The following RIPK2 variants were observed in gnomAD, a reference collection of about 807,000 sequenced individuals.
RIPK2 encodes receptor-interacting serine/threonine-protein kinase 2.
Under a neutral mutation model 60.9 loss-of-function variants are expected in RIPK2, and 38 were observed. That is an observed-to-expected ratio of 0.62 (90% CI 0.48 to 0.82). The LOEUF (loss-of-function observed/expected upper bound fraction) is 0.82. Among genes scored for constraint, RIPK2 ranks in the 40% least tolerant of loss-of-function variants. The pLI, the probability that RIPK2 is intolerant of heterozygous loss-of-function variation, is 0.00. For synonymous variants in RIPK2, 225 were observed against 223.4 expected (o/e 1.01, Z -0.06); for missense variants, 518 against 647.0 (o/e 0.80, Z 2.16).
intron 1 of RIPK2, among the ~76,000 whole-genome samples, chr8:89,760,361 T>C (rs1809124703): frequency 6.6e-6 from 1 of 152,184 alleles, no homozygotes; most frequent in Non-Finnish European, 1.5e-5. Context: ...ATGAGTCCAA[T>C]TGGTTGTTCA....
chr8:89,788,826 G>T (rs1809628584), intron 9 of RIPK2, among the ~76,000 whole-genome samples: 1 of 151,894 alleles, frequency 6.6e-6, no homozygotes, highest in Admixed American at 6.6e-5. Flanking sequence ...GAGGGAGGCA[G>T]GGAGGGAGGA....
intron 6 of RIPK2, among the ~76,000 whole-genome samples, chr8:89,776,496 A>T (rs1281618187): frequency 6.6e-6 from 1 of 152,254 alleles, no homozygotes; most frequent in East Asian, 1.9e-4. Context: ...ACATTCCATT[A>T]TCTGTTGAAG....
intron 7 of RIPK2, among the ~76,000 whole-genome samples, chr8:89,781,874 C>G (rs936452280): frequency 6.6e-6 from 1 of 152,156 alleles, no homozygotes; most frequent in Non-Finnish European, 1.5e-5. Context: ...TAGAACAATT[C>G]TAACAATATT....
chr8:89,786,063 C>A (rs1488298075), intron 8 of RIPK2, among the ~76,000 whole-genome samples: 2 of 152,152 alleles, frequency 1.3e-5, no homozygotes, highest in Non-Finnish European at 2.9e-5. Flanking sequence ...ATAATTATTT[C>A]TAATGTTTCA....
chr8:89,779,318 T>TG (rs1404580933), intron 6 of RIPK2, among the ~76,000 whole-genome samples: 11 of 128,126 alleles, frequency 8.6e-5, no homozygotes, highest in Admixed American at 7.7e-4. Flanking sequence ...GGGTTTTTTT[T>TG]TTTTTTTTTT....
intron 9 of RIPK2, among the ~76,000 whole-genome samples, chr8:89,787,750 A>G (rs1181380111): frequency 2.0e-5 from 3 of 152,150 alleles, no homozygotes; most frequent in African/African-American, 4.8e-5. Flanking sequence ...AGTGACATAA[A>G]ATTTTTTACT....
At chr8:89,762,495 A>G (rs13262484) in intron 1 of RIPK2, among the ~76,000 whole-genome samples, 12,345 of 152,262 alleles carry the variant, frequency 0.081, 538 homozygotes, top group Middle Eastern at 0.095. Context: ...AATTAGTTCA[A>G]GCACCAATTG....
intron 1 of RIPK2, among the ~76,000 whole-genome samples, chr8:89,760,064 T>C (rs1809120016): frequency 6.6e-6 from 1 of 152,220 alleles, no homozygotes; most frequent in Non-Finnish European, 1.5e-5. Context: ...AATTTGTTAC[T>C]TAAGATCTTA....
rs777039037 is a variant in RIPK2 at position 89,789,433 on chromosome 8, T to C, written c.1236T>C (p.Thr412=). Residue 412 remains threonine (T), a synonymous_variant, in exon 10 of 11, where the codon ACT becomes ACC. Coordinates refer to ENST00000220751, the MANE Select transcript of RIPK2 (RefSeq NM_003821.6). ...CTGCATTCTGTGATCACAAGACCAC[T>C]CCATGCTCTTCAGCAATAATAAATC... ...QRAAFCDHKT[T]PCSSAIINPL... The C allele has an allele frequency of 1.2e-6, 2 of 1,614,042 alleles. No homozygotes were observed. The highest frequency in any genetic ancestry group is 2.2e-5 in the East Asian group (1 of 44,874).
At chr8:89,765,317 C>A in intron 2 of RIPK2, 24 bp from the exon 3 acceptor site, 1 of 1,552,012 alleles carries the variant, frequency 6.4e-7, no homozygotes, top group Non-Finnish European at 8.8e-7. Flanking sequence ...ATTTCATTTT[C>A]TTTCTTTTCA....
intron 5 of RIPK2, 113 bp from the exon 6 acceptor site, chr8:89,772,554 C>G: frequency 1.4e-6 from 1 of 704,096 alleles, no homozygotes; most frequent in Non-Finnish European, 2.3e-6. Context: ...GGGGGTAAGG[C>G]ATCATTCCTA....
At chr8:89,768,079 C>G (rs778408042) in intron 3 of RIPK2, among the ~76,000 whole-genome samples, 5 of 151,560 alleles carry the variant, frequency 3.3e-5, no homozygotes, top group Admixed American at 2.6e-4. Context: ...CTTAATAGTT[C>G]CTTAATAATT....
chr8:89,777,527 T>C (rs1002650217), intron 6 of RIPK2, among the ~76,000 whole-genome samples: 2 of 152,180 alleles, frequency 1.3e-5, no homozygotes, highest in African/African-American at 4.8e-5. Flanking sequence ...TAAACTGTCT[T>C]AACTGAAATG....
chr8:89,759,056 C>T (rs566030171), intron 1 of RIPK2, among the ~76,000 whole-genome samples: 7 of 152,286 alleles, frequency 4.6e-5, no homozygotes, highest in Admixed American at 4.6e-4. Flanking sequence ...TCAATACTAG[C>T]AGTTCAGTTT....
intron 9 of RIPK2, among the ~76,000 whole-genome samples, 199 bp downstream of exon 9, chr8:89,786,885 G>T (rs553127689): frequency 6.6e-6 from 1 of 151,742 alleles, no homozygotes; most frequent in Non-Finnish European, 1.5e-5. Context: ...ATTATGTTTG[G>T]CCAGGCGCAG....
intron 1 of RIPK2, among the ~76,000 whole-genome samples, chr8:89,758,841 T>C (rs1317794116): frequency 6.6e-6 from 1 of 152,246 alleles, no homozygotes; most frequent in Non-Finnish European, 1.5e-5. Flanking sequence ...TTTTGATATC[T>C]TGGGTTAAAT....
intron 7 of RIPK2, chr8:89,780,705 T>G (rs184383772): frequency 6.6e-6 from 1 of 152,288 alleles, no homozygotes; most frequent in Non-Finnish European, 1.5e-5. Flanking sequence ...GCACTTCTCT[T>G]TTTATTTAAT....
chr8:89,778,840 C>T (rs988817504), intron 6 of RIPK2, among the ~76,000 whole-genome samples: 1 of 152,148 alleles, frequency 6.6e-6, no homozygotes, highest in Non-Finnish European at 1.5e-5. Context: ...AATAGAATTG[C>T]TGGGTTATAT....
chr8:89,787,657 A>T (rs549465802), intron 9 of RIPK2, among the ~76,000 whole-genome samples: 1 of 152,374 alleles, frequency 6.6e-6, no homozygotes, highest in Non-Finnish European at 1.5e-5. Context: ...GAGTCATATC[A>T]TCAAGAATTC....
Sources: allele counts gnomAD v4.1 joint callset (sites outside exome capture counted in the v4.1 genomes callset), GRCh38; gene constraint gnomAD v4.1.1; transcripts MANE v1.5; gene names NCBI Gene and HGNC (gene_info 2026-07-23, HGNC 2026-07-21).